ACSL3: variants seen among roughly 807,000 people sequenced by gnomAD.
ACSL3 encodes the protein acyl-CoA synthetase long chain family member 3, also known as fatty acid CoA ligase Acsl3.
Under a neutral mutation model 84.7 loss-of-function variants are expected in ACSL3, and 34 were observed. The ratio of observed to expected loss-of-function variants is 0.40; its 90% CI spans 0.31 to 0.53. The LOEUF is 0.53. Among genes scored for constraint, ACSL3 ranks in the 20% least tolerant of loss-of-function variants. The probability of loss-of-function intolerance (pLI) is 0.48; values close to 1 mark genes in which losing one functional copy is unlikely to be tolerated. For missense variants in ACSL3, 680 were observed against 873.1 expected (o/e 0.78, Z 2.79); for synonymous variants, 315 against 299.4 (o/e 1.05, Z -0.54).
At chr2:222,889,995 T>C (rs1574529597) in intron 2 of ACSL3, among the ~76,000 whole-genome samples, 1 of 152,174 alleles carries the variant, frequency 6.6e-6, no homozygotes, top group East Asian at 1.9e-4. Flanking sequence ...AATTTAAAGA[T>C]AAAAAAGCAA....
At chr2:222,880,793 G>A (rs1695572478) in intron 1 of ACSL3, among the ~76,000 whole-genome samples, 1 of 147,426 alleles carries the variant, frequency 6.8e-6, no homozygotes, top group South Asian at 2.1e-4. Flanking sequence ...TCACGCCACT[G>A]CACTCCAGCC....
In ACSL3 at chr2:222,911,724, C is replaced by T. The variant is rs573004189; in HGVS notation, c.378+2574C>T. Among the ~76,000 whole-genome samples the T allele has an allele frequency of 1.4e-4, 22 of 152,254 alleles. No homozygotes were observed. In the South Asian group the frequency reaches 4.4e-3, roughly 30 times the overall value. On this transcript the variant is annotated intron_variant, in intron 4 of 16. Transcript: ENST00000357430. ...GTGAATATGAAATTTCTTCCTAATT[C>T]GTGTATCAGTATAACTGGACAAAAT... is the stretch of plus-strand genomic sequence containing the variant.
chr2:222,886,461 A>G (rs561615080), intron 1 of ACSL3, among the ~76,000 whole-genome samples: 4 of 152,168 alleles, frequency 2.6e-5, no homozygotes, highest in African/African-American at 9.7e-5. Flanking sequence ...TTAATAACAA[A>G]TTAAAAGTTA....
chr2:222,862,733 A>G (rs1695045927), intron 1 of ACSL3, among the ~76,000 whole-genome samples: 1 of 152,108 alleles, frequency 6.6e-6, no homozygotes, highest in Admixed American at 6.6e-5. Flanking sequence ...TTGTAGGATG[A>G]CATTGGGTGT....
intron 4 of ACSL3, among the ~76,000 whole-genome samples, chr2:222,912,565 T>A (rs950411541): frequency 6.6e-6 from 1 of 152,256 alleles, no homozygotes; most frequent in African/African-American, 2.4e-5. Flanking sequence ...TGAGTAAGAC[T>A]TTTGGGGATT....
At position 222,908,988 on chromosome 2, in the gene ACSL3, T is replaced by G. The variant is rs181603186; in HGVS notation, c.216T>G (p.Asn72Lys). The G allele has an allele frequency of 6.2e-7, 1 of 1,613,828 alleles. No homozygotes were observed. Among genetic ancestry groups the G allele is most frequent in the Non-Finnish European group, 8.5e-7 (1 of 1,179,908 alleles). ...SKPDSAYRSVNSLDGLASVLY... is the reference protein window; with the variant it reads ...SKPDSAYRSVKSLDGLASVLY... ...CTGATTCTGCATACAGATCTGTTAA[T>G]AGTTTGGATGGTTTGGCTTCAGTAT... The change falls in exon 4 of 17, where the codon AAT becomes AAG. Residue 72 changes from asparagine (N) to lysine (K), a missense_variant. Physicochemically the swap from Asn to Lys is moderately conservative, Grantham distance 94. This residue lies in a region of ACSL3 where 333 missense variants were observed against 347.5 expected (regional missense o/e 0.96). Coordinates refer to ENST00000357430, the MANE Select transcript of ACSL3 (RefSeq NM_004457.5).
chr2:222,906,717 C>G (rs1160662593), intron 3 of ACSL3, among the ~76,000 whole-genome samples: 1 of 151,918 alleles, frequency 6.6e-6, no homozygotes. Flanking sequence ...CAGGTTCAAG[C>G]GATTCTCCTG....
At chr2:222,909,284 C>G in intron 4 of ACSL3, 134 bp downstream of exon 4, 1 of 864,108 alleles carries the variant, frequency 1.2e-6, no homozygotes, top group South Asian at 1.8e-5. Flanking sequence ...GGGGGCTAGA[C>G]TACCTTCTAA....
At chr2:222,915,370 G>T (rs554150629) in intron 4 of ACSL3, among the ~76,000 whole-genome samples, 1 of 152,066 alleles carries the variant, frequency 6.6e-6, no homozygotes, top group Non-Finnish European at 1.5e-5. Context: ...ATCCTTTTCC[G>T]TTTTTATCCA....
intron 3 of ACSL3, among the ~76,000 whole-genome samples, chr2:222,907,219 CT>C: frequency 6.6e-6 from 1 of 152,276 alleles, no homozygotes; most frequent in East Asian, 1.9e-4. Flanking sequence ...ATGATCTGTG[CT>C]TGGTGTCCTT....
intron 2 of ACSL3, among the ~76,000 whole-genome samples, chr2:222,889,290 G>A (rs1432140664): frequency 2.0e-5 from 3 of 152,234 alleles, no homozygotes; most frequent in Middle Eastern, 3.4e-3. Flanking sequence ...TGATGTGGGA[G>A]GGTGGTGCAC....
intron 16 of ACSL3, among the ~76,000 whole-genome samples, chr2:222,937,270 GA>G (rs1192689853): frequency 2.0e-5 from 3 of 151,954 alleles, no homozygotes; most frequent in Non-Finnish European, 2.9e-5. Context: ...TTTTCGTGTT[GA>G]TTTTTTTTAT....
chr2:222,936,370 C>A (rs543566674), intron 16 of ACSL3, among the ~76,000 whole-genome samples: 1 of 152,268 alleles, frequency 6.6e-6, no homozygotes, highest in Non-Finnish European at 1.5e-5. Flanking sequence ...GATTTACATT[C>A]CCACCAACGG....
At chr2:222,876,853 G>T (rs1464619873) in intron 1 of ACSL3, among the ~76,000 whole-genome samples, 1 of 152,150 alleles carries the variant, frequency 6.6e-6, no homozygotes, top group East Asian at 1.9e-4. Context: ...TTAATGGTAT[G>T]CCTGAAGTGT....
At chr2:222,899,142 A>C (rs977146381) in intron 2 of ACSL3, among the ~76,000 whole-genome samples, 2 of 152,186 alleles carry the variant, frequency 1.3e-5, no homozygotes. Flanking sequence ...TTAGGTAAAC[A>C]CTGGAAAAAA....
At chr2:222,889,932 C>T (rs1695804609) in intron 2 of ACSL3, among the ~76,000 whole-genome samples, 1 of 152,060 alleles carries the variant, frequency 6.6e-6, no homozygotes, top group African/African-American at 2.4e-5. Flanking sequence ...AATAGCTTTT[C>T]TTAGTGGTAA....
At position 222,896,197 on chromosome 2, in the gene ACSL3, A is replaced by AC. The variant is rs1185324077; in HGVS notation, c.-147-4466dup. Among the ~76,000 whole-genome samples, 9 of 2,310 alleles carry AC rather than the reference A, an allele frequency of 3.9e-3. 1 individual carries two copies. Among genetic ancestry groups the AC allele is most frequent in the African/African-American group, 9.0e-3 (2 of 222 alleles). 1.5% of individuals were successfully genotyped at this position (2,310 alleles called of 152,430 possible). On this transcript the variant is annotated intron_variant, in intron 2 of 16. Transcript: ENST00000357430. ...CCCTCCCGGACGGGGCGGCTGGCCG[A>AC]CCCCCCCCCCCGCCGCCTCCCTCCC...
intron 3 of ACSL3, among the ~76,000 whole-genome samples, chr2:222,901,995 T>C (rs1696166443): frequency 6.8e-6 from 1 of 146,202 alleles, no homozygotes; most frequent in Non-Finnish European, 1.5e-5. Flanking sequence ...TAGCAAATAT[T>C]CTATCATCTG....
intron 1 of ACSL3, among the ~76,000 whole-genome samples, chr2:222,864,013 C>T (rs892291148): frequency 6.6e-6 from 1 of 151,610 alleles, no homozygotes; most frequent in South Asian, 2.1e-4. Flanking sequence ...TCATCTGATC[C>T]TTTTAAGAGC....
Sources: allele counts gnomAD v4.1 joint callset (sites outside exome capture counted in the v4.1 genomes callset), GRCh38; gene constraint gnomAD v4.1.1; regional missense constraint gnomAD v4.1.1; transcripts MANE v1.5; gene names NCBI Gene and HGNC (gene_info 2026-07-23, HGNC 2026-07-21).